The following NTAQ1 variants were observed in gnomAD, a reference collection of about 807,000 sequenced individuals.
NTAQ1 encodes the protein N-terminal glutamine amidase 1, also known as protein N-terminal glutamine amidohydrolase.
A neutral mutation model predicts 28.2 loss-of-function variants in NTAQ1; 21 were observed. The ratio of observed to expected loss-of-function variants is 0.74; its 90% CI spans 0.53 to 1.07. NTAQ1 has a LOEUF of 1.07. Among genes scored for constraint, NTAQ1 ranks in the 50% least tolerant of loss-of-function variants. The pLI is 0.00. For synonymous variants in NTAQ1, 105 were observed against 90.0 expected, an observed-to-expected ratio of 1.17 and a Z score of -0.94; for missense variants, 264 against 256.6, an observed-to-expected ratio of 1.03 and a Z score of -0.20.
At chr8:123,449,388 T>C (rs1344752033), downstream of NTAQ1, among the ~76,000 whole-genome samples, 1 of 152,150 alleles carries the variant, frequency 6.6e-6, no homozygotes, top group Non-Finnish European at 1.5e-5. Context: ...AGCTTGATGA[T>C]TTGCAGAAAT....
chr8:123,452,588 C>T (rs893742378), downstream of NTAQ1, among the ~76,000 whole-genome samples: 2 of 149,630 alleles, frequency 1.3e-5, no homozygotes, highest in African/African-American at 2.5e-5. Context: ...CAGCAAGACT[C>T]GGTCTCCACA....
intron 6 of NTAQ1, among the ~76,000 whole-genome samples, chr8:123,461,307 C>T (rs1161716163): frequency 1.3e-5 from 2 of 152,144 alleles, no homozygotes; most frequent in African/African-American, 4.8e-5. Context: ...TGCTCAGTGA[C>T]CTGGCTGGCT....
chr8:123,422,860 T>C (rs566632046), intron 1 of NTAQ1, among the ~76,000 whole-genome samples: 3 of 152,324 alleles, frequency 2.0e-5, no homozygotes, highest in East Asian at 3.9e-4. Flanking sequence ...CTTCTGCATA[T>C]GGTTAGCCAG....
chr8:123,427,271 A>C (rs957816338), intron 1 of NTAQ1, among the ~76,000 whole-genome samples: 4 of 29,000 alleles, frequency 1.4e-4, no homozygotes, highest in African/African-American at 3.9e-4. Context: ...TTTTTTTTTG[A>C]GTTGGAGTCT....
intron 1 of NTAQ1, among the ~76,000 whole-genome samples, chr8:123,419,021 AC>A (rs1170816736): frequency 3.4e-5 from 5 of 148,968 alleles, no homozygotes; most frequent in Admixed American, 1.3e-4. Context: ...CCAGTGCTCT[AC>A]CCTGTCTGAA....
At chr8:123,461,695 A>G (rs1424147347) in intron 6 of NTAQ1, among the ~76,000 whole-genome samples, 1 of 152,220 alleles carries the variant, frequency 6.6e-6, no homozygotes, top group Non-Finnish European at 1.5e-5. Context: ...ATAACTTTGT[A>G]TATTCAAGAA....
At position 123,441,633 on chromosome 8, in the gene NTAQ1, G is replaced by A; in HGVS notation, c.*218G>A. The A allele has an allele frequency of 1.8e-6, 1 of 552,688 alleles. No homozygotes were observed. The highest frequency in any genetic ancestry group is 3.2e-6 in the Non-Finnish European group (1 of 310,472). 34.2% of individuals were successfully genotyped at this position (552,688 alleles called of 1,614,324 possible). ...TTGAAACTTGATAAAGTGCGTACTTGCTAAGATATTCCTGTGGCTCATGCG... is the reference window on the plus strand; with the variant it reads ...TTGAAACTTGATAAAGTGCGTACTTACTAAGATATTCCTGTGGCTCATGCG... On this transcript the variant is annotated 3_prime_UTR_variant, in exon 6 of 6. Coordinates refer to ENST00000287387, the MANE Select transcript of NTAQ1 (RefSeq NM_018024.3).
downstream of NTAQ1, among the ~76,000 whole-genome samples, chr8:123,471,014 G>A (rs539016498): frequency 1.4e-4 from 21 of 151,430 alleles, no homozygotes; most frequent in Middle Eastern, 3.4e-3. Context: ...TTGACTTCCT[G>A]GGCTCAGGTG....
intron 1 of NTAQ1, among the ~76,000 whole-genome samples, chr8:123,420,590 C>CCTT (rs1813618794): frequency 9.8e-6 from 1 of 102,034 alleles, no homozygotes; most frequent in Non-Finnish European, 1.8e-5. Context: ...TATTTTTTGC[C>CCTT]TTTTTTTTTT....
chr8:123,467,994 C>T (rs1051302072), exon 7 of NTAQ1, among the ~76,000 whole-genome samples: 9 of 152,136 alleles, frequency 5.9e-5, no homozygotes, highest in African/African-American at 1.7e-4. Flanking sequence ...GTGATCCACC[C>T]GCCTTCACCT....
At chr8:123,444,027 GTGCTTAA>G (rs1815176851), downstream of NTAQ1, among the ~76,000 whole-genome samples, 1 of 149,740 alleles carries the variant, frequency 6.7e-6, no homozygotes, top group East Asian at 2.0e-4. Flanking sequence ...ATGTCTCTCT[GTGCTTAA>G]TTTTTCTATT....
At chr8:123,455,421 AT>A (rs925294146) in intron 6 of NTAQ1, among the ~76,000 whole-genome samples, 32,073 of 115,496 alleles carry the variant, frequency 0.28, 2,921 homozygotes, top group Middle Eastern at 0.31. Context: ...ATGCCCAGAA[AT>A]TTTTTTTTTT....
At chr8:123,458,621 T>A (rs1370678097) in intron 6 of NTAQ1, among the ~76,000 whole-genome samples, 1 of 151,502 alleles carries the variant, frequency 6.6e-6, no homozygotes, top group Non-Finnish European at 1.5e-5. Flanking sequence ...GTTGGTACTT[T>A]CTTTCTTTTT....
intron 1 of NTAQ1, among the ~76,000 whole-genome samples, chr8:123,419,553 A>G (rs1042894284): frequency 3.3e-5 from 5 of 152,140 alleles, no homozygotes; most frequent in Non-Finnish European, 5.9e-5. Flanking sequence ...TCAGCAGAGC[A>G]TTTCTGATTC....
chr8:123,446,630 C>G (rs1320973583), downstream of NTAQ1, among the ~76,000 whole-genome samples: 4 of 152,168 alleles, frequency 2.6e-5, no homozygotes, highest in African/African-American at 9.7e-5. Flanking sequence ...GTTGTTTTAT[C>G]CAATTCGCGC....
chr8:123,417,656 A>C (rs1256907116), intron 1 of NTAQ1, among the ~76,000 whole-genome samples: 1 of 152,068 alleles, frequency 6.6e-6, no homozygotes, highest in Non-Finnish European at 1.5e-5. Flanking sequence ...CCCAGCTTCT[A>C]GTCCTTGTAC....
At chr8:123,426,256 G>T (rs1814048084) in intron 1 of NTAQ1, among the ~76,000 whole-genome samples, 1 of 152,170 alleles carries the variant, frequency 6.6e-6, no homozygotes, top group African/African-American at 2.4e-5. Context: ...TACTTAGGTG[G>T]GTTCTGACTA....
At chr8:123,424,072 G>GTTTTTTTT (rs35733686) in intron 1 of NTAQ1, among the ~76,000 whole-genome samples, 13 of 85,846 alleles carry the variant, frequency 1.5e-4, no homozygotes, top group African/African-American at 5.3e-4. Flanking sequence ...ATTTTTATGC[G>GTTTTTTTT]TTTTTTTTTT....
At chr8:123,433,016 A>G (rs1374553401) in intron 3 of NTAQ1, among the ~76,000 whole-genome samples, 4 of 152,256 alleles carry the variant, frequency 2.6e-5, no homozygotes, top group Admixed American at 2.0e-4. Context: ...TTAAAAGAAA[A>G]CATGCCTATA....
Sources: gnomAD v4.1 joint callset for allele counts (sites outside exome capture counted in the v4.1 genomes callset) on GRCh38, gnomAD v4.1.1 for gene constraint, MANE v1.5 for transcripts, NCBI Gene and HGNC (gene_info 2026-07-23, HGNC 2026-07-21) for gene names.